CRK: variants seen among roughly 807,000 people sequenced by gnomAD.
CRK encodes the protein adapter molecule crk.
In CRK, 4 loss-of-function variants were observed where a neutral mutation model predicts 29.8. The ratio of observed to expected loss-of-function variants is 0.13; its 90% CI spans 0.07 to 0.31. The LOEUF is 0.31. Ranked by LOEUF, CRK falls within the 10% of genes least tolerant of loss-of-function variation. The pLI, the probability that CRK is intolerant of heterozygous loss-of-function variation, is 1.00. For synonymous variants in CRK, 153 were observed against 164.9 expected, an observed-to-expected ratio of 0.93 and a Z score of 0.55; for missense variants, 274 against 396.5, an observed-to-expected ratio of 0.69 and a Z score of 2.62.
intron 2 of CRK, among the ~76,000 whole-genome samples, chr17:1,425,087 G>T (rs6502670): frequency 0.65 from 97,884 of 151,270 alleles, 32,161 homozygotes; most frequent in African/African-American, 0.75. Flanking sequence ...AAATATAAAG[G>T]TTTTTTTTGT....
chr17:1,427,244 C>T (rs1173102393), intron 2 of CRK, among the ~76,000 whole-genome samples: 2 of 146,908 alleles, frequency 1.4e-5, no homozygotes, highest in Non-Finnish European at 3.0e-5. Context: ...AAGCCAAGTG[C>T]ACCACTGCAC....
chr17:1,452,776 G>C (rs1341190861), intron 1 of CRK, among the ~76,000 whole-genome samples: 3 of 148,448 alleles, frequency 2.0e-5, no homozygotes, highest in Non-Finnish European at 4.4e-5. Context: ...GGAGACAAGA[G>C]TAAAAACTCG....
chr17:1,455,538 T>C (rs1340611069), intron 1 of CRK, among the ~76,000 whole-genome samples: 1 of 152,166 alleles, frequency 6.6e-6, no homozygotes, highest in Non-Finnish European at 1.5e-5. Flanking sequence ...GCCCCCGCAG[T>C]GCCAACATCT....
rs527419080 is a variant in CRK, at chr17:1,422,124, G to A, written c.*1389C>T. 3 of 150,346 alleles carry A rather than the reference G, an allele frequency of 2.0e-5. No homozygotes were observed. The highest frequency in any genetic ancestry group is 6.6e-5 in the Admixed American group (1 of 15,088). 9.3% of individuals were successfully genotyped at this position (150,346 alleles called of 1,614,324 possible). On this transcript the variant is annotated 3_prime_UTR_variant, in exon 3 of 3. Coordinates refer to ENST00000300574, the MANE Select transcript of CRK (RefSeq NM_016823.4). ...CCCATGAGAAATGAATAATACATAA[G>A]TAATTCACAATTGGTTCAACATTTT...
Position 1,449,922 on chromosome 17 carries a change from C to T in CRK, c.241+5955G>A, listed in dbSNP as rs138347650. 3.0e-4 allele frequency among the ~76,000 whole-genome samples: 45 copies of T among 152,222 alleles called. No homozygotes were observed. The East Asian group carries it at 7.9e-3, about 27-fold the overall frequency. ...TGCCTTTAAAAATAATACCCAGCTG[C>T]GCACGGTGGCTCACGCCTGTAATCC... is the stretch of plus-strand genomic sequence containing the variant. On this transcript the variant is annotated intron_variant, in intron 1 of 2. Coordinates refer to ENST00000300574, the MANE Select transcript of CRK (RefSeq NM_016823.4).
chr17:1,453,797 C>T (rs1176091840), intron 1 of CRK, among the ~76,000 whole-genome samples: 5 of 152,096 alleles, frequency 3.3e-5, no homozygotes, highest in South Asian at 2.1e-4. Context: ...ATCCCAGCTA[C>T]TAGGGAGGCT....
At chr17:1,438,045 G>C (rs1009118102) in intron 1 of CRK, among the ~76,000 whole-genome samples, 1 of 152,034 alleles carries the variant, frequency 6.6e-6, no homozygotes, top group Non-Finnish European at 1.5e-5. Flanking sequence ...AAGGTGGAGA[G>C]AGCTTGTGTC....
intron 1 of CRK, among the ~76,000 whole-genome samples, chr17:1,443,004 A>G (rs1325900674): frequency 2.2e-5 from 3 of 135,940 alleles, no homozygotes; most frequent in Admixed American, 7.7e-5. Flanking sequence ...TTTGAGACGG[A>G]CTCTTGCTCT....
intron 1 of CRK, among the ~76,000 whole-genome samples, chr17:1,448,022 A>T (rs186191181): frequency 1.3e-5 from 2 of 152,198 alleles, no homozygotes; most frequent in Admixed American, 1.3e-4. Context: ...AACGCTAAAA[A>T]GGCCACTGGC....
chr17:1,456,206 T>C lies in CRK; in HGVS notation c.-89A>G, dbSNP rs980551539. The C allele has an allele frequency of 1.5e-5, 20 of 1,338,964 alleles. No individual in the cohort carries two copies. The African/African-American group carries it at 2.3e-4, about 16-fold the overall frequency. 82.9% of individuals were successfully genotyped at this position (1,338,964 alleles called of 1,614,324 possible). A position where few individuals can be genotyped will look rare whatever the true frequency, so the allele number is the denominator to read the frequency against. ...CCGCCGCCCAGCGGACCGGCTCCGG[T>C]TTCAGCTTCACAGCAGCGCCCGAAA... On this transcript the variant is annotated 5_prime_UTR_variant, in exon 1 of 3. Coordinates refer to ENST00000300574, the MANE Select transcript of CRK (RefSeq NM_016823.4).
At chr17:1,446,438 G>A (rs780447051) in intron 1 of CRK, among the ~76,000 whole-genome samples, 4 of 152,114 alleles carry the variant, frequency 2.6e-5, no homozygotes, top group Non-Finnish European at 5.9e-5. Context: ...AATACATTTT[G>A]GCGGGGAAAG....
intron 1 of CRK, among the ~76,000 whole-genome samples, chr17:1,437,418 G>C (rs896919392): frequency 6.6e-6 from 1 of 151,848 alleles, no homozygotes; most frequent in African/African-American, 2.4e-5. Flanking sequence ...AAAAACTCTA[G>C]AAAAAATAAC....
rs11453666 is a variant in CRK at position 1,432,776 on chromosome 17, C to CAA, written c.777+3842_777+3843dup. On this transcript the variant is annotated intron_variant, in intron 2 of 2. Transcript: ENST00000300574. ...TGGGCAACAAAGCGAGACTCCGTCTCAAAAAAAAAAAAAAAAGAAAAGAAG... is the reference window on the plus strand; with the variant it reads ...TGGGCAACAAAGCGAGACTCCGTCTCAAAAAAAAAAAAAAAAAAGAAAAGAAG... Among the ~76,000 whole-genome samples the CAA allele has an allele frequency of 7.9e-3, 630 of 80,006 alleles. 6 individuals are homozygous for CAA. Among genetic ancestry groups the CAA allele is most frequent in the African/African-American group, 0.023 (571 of 24,916 alleles). 52.5% of individuals were successfully genotyped at this position (80,006 alleles called of 152,430 possible).
intron 1 of CRK, among the ~76,000 whole-genome samples, chr17:1,449,407 G>A (rs7208768): frequency 0.55 from 84,315 of 151,972 alleles, 23,935 homozygotes; most frequent in South Asian, 0.64. Context: ...ATTAAGATTC[G>A]TATACATGAA....
rs927749635 is a variant in CRK at position 1,456,216 on chromosome 17, A to C, written c.-99T>G. 30 of 1,305,652 alleles carry C rather than the reference A, an allele frequency of 2.3e-5. No individual in the cohort carries two copies. The highest frequency in any genetic ancestry group is 2.9e-5 in the Non-Finnish European group (30 of 1,028,066). 80.9% of individuals were successfully genotyped at this position (1,305,652 alleles called of 1,614,324 possible). On this transcript the variant is annotated 5_prime_UTR_variant, in exon 1 of 3. Coordinates refer to ENST00000300574, the MANE Select transcript of CRK (RefSeq NM_016823.4). ...GCGGACCGGCTCCGGTTTCAGCTTC[A>C]CAGCAGCGCCCGAAATGGCGGCGGC...
In CRK at chr17:1,433,515, T is replaced by A. The variant is rs1328807184; in HGVS notation, c.777+3105A>T. Among the ~76,000 whole-genome samples the A allele has an allele frequency of 1.8e-4, 21 of 116,306 alleles. 1 individual carries two copies. The East Asian group carries it at 1.8e-3, about 10-fold the overall frequency. The allele number at this position is 116,306 out of a possible 152,430, so 76.3% of individuals were successfully genotyped here. On this transcript the variant is annotated intron_variant, in intron 2 of 2. Transcript: ENST00000300574. ...TGCACACCACCACGCCTGGCTTTTT[T>A]TTTTTTTTTTTTTTTTTTTTGAGAT... is the stretch of plus-strand genomic sequence containing the variant.
At chr17:1,439,297 C>A (rs1049346802) in intron 1 of CRK, among the ~76,000 whole-genome samples, 1 of 152,076 alleles carries the variant, frequency 6.6e-6, no homozygotes, top group African/African-American at 2.4e-5. Flanking sequence ...CGGGGTTTTA[C>A]CGTGTTAGCC....
rs902343775 is a variant in CRK, at chr17:1,421,127, G to A, written c.*2386C>T. The A allele has an allele frequency of 3.9e-5, 6 of 152,014 alleles. No homozygotes were observed. Among genetic ancestry groups the A allele is most frequent in the Non-Finnish European group, 7.3e-5 (5 of 68,030 alleles). The allele number at this position is 152,014 out of a possible 1,614,324, so 9.4% of individuals were successfully genotyped here. On this transcript the variant is annotated 3_prime_UTR_variant, in exon 3 of 3. Coordinates refer to ENST00000300574, the MANE Select transcript of CRK (RefSeq NM_016823.4). ...TATAAGACATCCTTTGATTTCTTGAGGGGCATTAACTGCCACACTCAACAG... is the reference window on the plus strand; with the variant it reads ...TATAAGACATCCTTTGATTTCTTGAAGGGCATTAACTGCCACACTCAACAG...
At chr17:1,430,532 ATT>A (rs781366758) in intron 2 of CRK, among the ~76,000 whole-genome samples, 8 of 127,428 alleles carry the variant, frequency 6.3e-5, no homozygotes, top group Non-Finnish European at 8.3e-5. Flanking sequence ...AATTTTTTGT[ATT>A]TTTTTTTTTT....
Sources: allele counts gnomAD v4.1 joint callset (sites outside exome capture counted in the v4.1 genomes callset), GRCh38; gene constraint gnomAD v4.1.1; transcripts MANE v1.5; gene names NCBI Gene and HGNC (gene_info 2026-07-23, HGNC 2026-07-21).